Variants in FER1L6 observed in about 807,000 individuals in gnomAD.
FER1L6 encodes the protein fer-1-like protein 6.
FER1L6 carries 177 observed loss-of-function variants against 219.2 expected under a neutral mutation model. The ratio of observed to expected loss-of-function variants is 0.81; its 90% CI spans 0.71 to 0.91. The LOEUF (loss-of-function observed/expected upper bound fraction) is 0.91, where lower values mean the gene tolerates loss of function less well. FER1L6 is among the 40% of genes least tolerant of loss of function. The probability of loss-of-function intolerance (pLI) is 0.00; values close to 1 mark genes in which losing one functional copy is unlikely to be tolerated. For missense variants in FER1L6, 2,153 were observed against 2,259.9 expected (o/e 0.95, Z 0.96); for synonymous variants, 768 against 824.3 (o/e 0.93, Z 1.17).
chr8:123,965,212 C>G (rs1815482918), intron 3 of FER1L6, among the ~76,000 whole-genome samples: 1 of 152,176 alleles, frequency 6.6e-6, no homozygotes, highest in African/African-American at 2.4e-5. Flanking sequence ...AGTCTGACTC[C>G]AATGCCCAGA....
intron 31 of FER1L6, among the ~76,000 whole-genome samples, chr8:124,072,640 C>T (rs1175324638): frequency 6.6e-6 from 1 of 152,200 alleles, no homozygotes; most frequent in Non-Finnish European, 1.5e-5. Context: ...TCTCAGGTTT[C>T]CTTCATCATC....
chr8:123,977,778 G>A (rs1423278680), intron 10 of FER1L6, among the ~76,000 whole-genome samples, 169 bp downstream of exon 10: 1 of 152,194 alleles, frequency 6.6e-6, no homozygotes, highest in Non-Finnish European at 1.5e-5. Flanking sequence ...GTTTTGGGAT[G>A]AAACTGTTCC....
intron 12 of FER1L6, among the ~76,000 whole-genome samples, chr8:124,000,845 AC>A (rs1817376265): frequency 6.6e-6 from 1 of 152,246 alleles, no homozygotes; most frequent in African/African-American, 2.4e-5. Context: ...TGGAAGCCTA[AC>A]AAAGAATCTC....
Position 124,068,384 on chromosome 8 carries a change from G to A in FER1L6, c.3718+578G>A, listed in dbSNP as rs561761944. ...ATTCTAAGACCAACCCCATGTCATA[G>A]GAAATAGTATCTTCACCTTGCAAAT... On this transcript the variant is annotated intron_variant, in intron 28 of 40. Coordinates refer to ENST00000522917, the MANE Select transcript of FER1L6 (RefSeq NM_001039112.2). Among the ~76,000 whole-genome samples the A allele has an allele frequency of 1.6e-3, 242 of 152,202 alleles. 1 individual carries two copies. The highest frequency in any genetic ancestry group is 1.2e-3 in the Non-Finnish European group (83 of 68,032).
At chr8:124,058,683 G>A (rs1439969711) in intron 22 of FER1L6, 1 of 152,196 alleles carries the variant, frequency 6.6e-6, no homozygotes, top group Non-Finnish European at 1.5e-5. Flanking sequence ...TCTAGAGGCA[G>A]CCCCTCCTAT....
At chr8:123,932,570 T>C (rs1247506410) in intron 1 of FER1L6, among the ~76,000 whole-genome samples, 2 of 152,312 alleles carry the variant, frequency 1.3e-5, no homozygotes, top group African/African-American at 4.8e-5. Context: ...GATCTGGTAG[T>C]TTCCTGAAGG....
chr8:124,013,441 T>C lies in FER1L6; in HGVS notation c.1832T>C (p.Ile611Thr), dbSNP rs1554631489. 5 of 1,606,792 alleles carry C rather than the reference T, an allele frequency of 3.1e-6. No individual in the cohort carries two copies. Among genetic ancestry groups the C allele is most frequent in the East Asian group, 2.2e-5 (1 of 44,614 alleles). Residue 611 changes from isoleucine to threonine, a missense_variant, in exon 15 of 41, where the codon ATA (isoleucine) becomes ACA (threonine). Transcript: ENST00000522917. ...EKMADFLEES[I>T]EEVRELIKIS... is the part of the protein sequence containing the mutation. ...GTGGTTTGTTTTCAGGAAGAAAGTA[T>C]AGAAGAAGTGAGAGAATTGATCAAG...
chr8:123,922,635 A>C (rs1183558529), intron 1 of FER1L6, among the ~76,000 whole-genome samples: 1 of 152,104 alleles, frequency 6.6e-6, no homozygotes, highest in Non-Finnish European at 1.5e-5. Context: ...GGGCTCCCGT[A>C]GGCACCGCCA....
chr8:123,916,350 G>T (rs898679776), intron 1 of FER1L6, among the ~76,000 whole-genome samples: 1 of 152,186 alleles, frequency 6.6e-6, no homozygotes, highest in Non-Finnish European at 1.5e-5. Flanking sequence ...CATGTATTCG[G>T]GATGCTGGCT....
At chr8:124,101,446 A>G (rs1315807933) in intron 38 of FER1L6, 108 bp downstream of exon 38, 27 of 1,027,302 alleles carry the variant, frequency 2.6e-5, no homozygotes, top group Non-Finnish European at 3.6e-5. Flanking sequence ...AGCACTATCT[A>G]TGATAGCAAA....
In FER1L6 at chr8:123,852,766, A is replaced by G. The variant is rs138036208; in HGVS notation, c.-8+581A>G. Among the ~76,000 whole-genome samples the G allele has an allele frequency of 2.4e-3, 364 of 152,304 alleles. 3 individuals are homozygous for G. Among genetic ancestry groups the G allele is most frequent in the African/African-American group, 8.3e-3 (345 of 41,574 alleles). Reference sequence around the variant, plus strand: ...TTACCATGGTACATTTATGAAAATGAAGAAACTGAAAATGCAGCATTACTA... The same window carrying G: ...TTACCATGGTACATTTATGAAAATGGAGAAACTGAAAATGCAGCATTACTA... On this transcript the variant is annotated intron_variant, in intron 1 of 40. Transcript: ENST00000522917. This position sits in a 1 kb window ranked among gnomAD's most constrained non-coding sequence, Gnocchi z 4.9.
At chr8:123,981,354 G>A (rs1471391058) in intron 11 of FER1L6, among the ~76,000 whole-genome samples, 6 of 152,186 alleles carry the variant, frequency 3.9e-5, no homozygotes, top group African/African-American at 1.4e-4. Flanking sequence ...CTGCTTATGG[G>A]AAAGAGATCT....
chr8:123,868,576 G>A (rs1816875034), intron 1 of FER1L6, among the ~76,000 whole-genome samples: 1 of 152,054 alleles, frequency 6.6e-6, no homozygotes, highest in South Asian at 2.1e-4. Context: ...ATGATTTTCT[G>A]CTGCCTGCTC....
intron 1 of FER1L6, among the ~76,000 whole-genome samples, chr8:123,912,841 A>G (rs1362998627): frequency 6.6e-6 from 1 of 152,230 alleles, no homozygotes; most frequent in African/African-American, 2.4e-5. Context: ...CTGTTGCCCT[A>G]AATCCTCAAC....
intron 39 of FER1L6, among the ~76,000 whole-genome samples, chr8:124,106,244 G>C (rs1035806497): frequency 6.6e-5 from 9 of 135,840 alleles, no homozygotes; most frequent in African/African-American, 2.8e-5. Flanking sequence ...CAGAAGAATG[G>C]TGTGAACCCA....
intron 1 of FER1L6, among the ~76,000 whole-genome samples, chr8:123,874,662 A>G (rs1240735354): frequency 1.3e-5 from 2 of 152,204 alleles, no homozygotes; most frequent in Non-Finnish European, 2.9e-5. Context: ...AATGACTGGT[A>G]CATCTTATTA....
chr8:123,904,016 C>T (rs375627040), intron 1 of FER1L6, among the ~76,000 whole-genome samples: 19 of 152,292 alleles, frequency 1.2e-4, no homozygotes, highest in African/African-American at 4.6e-4. Context: ...GCAGTGATAA[C>T]ACAGAAGACT....
chr8:123,864,794 T>A (rs1340163126), intron 1 of FER1L6, among the ~76,000 whole-genome samples: 3 of 150,572 alleles, frequency 2.0e-5, no homozygotes, highest in Non-Finnish European at 2.9e-5. Flanking sequence ...GCTTCTGCAT[T>A]CTTCACGTAG....
At chr8:123,866,011 C>T (rs145269536) in intron 1 of FER1L6, among the ~76,000 whole-genome samples, 1 of 151,396 alleles carries the variant, frequency 6.6e-6, no homozygotes, top group Non-Finnish European at 1.5e-5. Context: ...CTCCCCCCCA[C>T]ATTTTCTTAA....
Sources: allele counts gnomAD v4.1 joint callset (sites outside exome capture counted in the v4.1 genomes callset), GRCh38; gene constraint gnomAD v4.1.1; non-coding constraint Gnocchi (gnomAD v3.1); transcripts MANE v1.5; gene names NCBI Gene and HGNC (gene_info 2026-07-23, HGNC 2026-07-21).